The following SUPT3H variants were observed in gnomAD, a reference collection of about 807,000 sequenced individuals.
SUPT3H encodes the protein transcription initiation protein SPT3 homolog.
A neutral mutation model predicts 44.3 loss-of-function variants in SUPT3H; 44 were observed. That is an observed-to-expected ratio of 0.99 (90% CI 0.78 to 1.28). The LOEUF (loss-of-function observed/expected upper bound fraction) is 1.28, where lower values mean the gene tolerates loss of function less well. Ranked by LOEUF, SUPT3H falls within the 50% of genes most tolerant of loss-of-function variation. SUPT3H has a pLI of 0.00. For synonymous variants in SUPT3H, 124 were observed against 125.6 expected, an observed-to-expected ratio of 0.99 and a Z score of 0.09; for missense variants, 380 against 387.1, an observed-to-expected ratio of 0.98 and a Z score of 0.15.
intron 9 of SUPT3H, among the ~76,000 whole-genome samples, chr6:44,950,076 GA>G (rs1416336987): frequency 2.0e-5 from 3 of 152,210 alleles, no homozygotes; most frequent in Admixed American, 6.5e-5. Flanking sequence ...TATGTTCAAG[GA>G]AGTCTGTTCT....
chr6:45,029,985 G>A (rs976657259), intron 3 of SUPT3H, among the ~76,000 whole-genome samples: 3 of 152,074 alleles, frequency 2.0e-5, no homozygotes, highest in African/African-American at 4.8e-5. Context: ...GGCTGTTTTC[G>A]AACTCCTTGG....
chr6:45,157,715 AT>A (rs1419985556), intron 2 of SUPT3H, among the ~76,000 whole-genome samples: 1 of 151,478 alleles, frequency 6.6e-6, no homozygotes, highest in Admixed American at 6.6e-5. Context: ...TGCCCGGCTA[AT>A]TTTTGTATTT....
intron 2 of SUPT3H, among the ~76,000 whole-genome samples, chr6:45,238,606 G>A (rs1003836781): frequency 5.3e-5 from 8 of 152,250 alleles, no homozygotes; most frequent in East Asian, 3.9e-4. Flanking sequence ...TAATTTTTCC[G>A]ACTCAGCATT....
chr6:45,194,718 T>A (rs979052674), intron 2 of SUPT3H, among the ~76,000 whole-genome samples: 6 of 152,112 alleles, frequency 3.9e-5, no homozygotes, highest in African/African-American at 1.2e-4. Context: ...ACGGTTATAA[T>A]GCAACAAAAA....
intron 2 of SUPT3H, among the ~76,000 whole-genome samples, chr6:45,301,578 C>T (rs1430680281): frequency 1.3e-5 from 2 of 152,040 alleles, no homozygotes; most frequent in Non-Finnish European, 2.9e-5. Flanking sequence ...TGTTACATCA[C>T]CTTACAGAAG....
Position 44,828,383 on chromosome 6 carries a change from A to G in SUPT3H, c.*1433T>C, listed in dbSNP as rs927736441. ...TGTTTCTGAAATGCAAATTTTTTCTAAAAAGATTAACATAGAGCAGGTAAA... is the reference window on the plus strand; with the variant it reads ...TGTTTCTGAAATGCAAATTTTTTCTGAAAAGATTAACATAGAGCAGGTAAA... On this transcript the variant is annotated 3_prime_UTR_variant, in exon 11 of 11. Transcript: ENST00000371459. Among the ~76,000 whole-genome samples, 2 of 152,148 alleles carry G rather than the reference A, an allele frequency of 1.3e-5. No homozygotes were observed. The highest frequency in any genetic ancestry group is 6.6e-5 in the Admixed American group (1 of 15,266).
intron 2 of SUPT3H, among the ~76,000 whole-genome samples, chr6:45,254,877 T>G (rs917210539): frequency 2.0e-5 from 3 of 152,158 alleles, no homozygotes; most frequent in Non-Finnish European, 2.9e-5. Context: ...TGAAATCTCA[T>G]GCCAACCTGC....
At chr6:45,251,939 AACATT>A (rs1170002666) in intron 2 of SUPT3H, among the ~76,000 whole-genome samples, 4 of 152,204 alleles carry the variant, frequency 2.6e-5, no homozygotes, top group Admixed American at 6.5e-5. Flanking sequence ...AAAGAAAAAA[AACATT>A]ATCTCAAATA....
intron 10 of SUPT3H, among the ~76,000 whole-genome samples, chr6:44,904,144 C>T (rs1765588405): frequency 6.6e-6 from 1 of 152,178 alleles, no homozygotes; most frequent in Non-Finnish European, 1.5e-5. Flanking sequence ...CCTCTCTCAC[C>T]ACTCCTATTC....
intron 2 of SUPT3H, among the ~76,000 whole-genome samples, chr6:45,197,420 T>G (rs1042362459): frequency 2.6e-5 from 4 of 151,540 alleles, no homozygotes; most frequent in African/African-American, 7.2e-5. Context: ...TACATGGTGT[T>G]TCTTCTTTAC....
intron 10 of SUPT3H, among the ~76,000 whole-genome samples, chr6:44,850,145 C>A (rs112299647): frequency 4.5e-4 from 68 of 152,210 alleles, no homozygotes; most frequent in African/African-American, 1.6e-3. Context: ...AAAGAATCAA[C>A]AATTTTAAAA....
chr6:45,281,105 T>A lies in SUPT3H; in HGVS notation c.101+84096A>T, dbSNP rs1424555586. ...AGTTTTTAATATCTTTAAAAATTTA[T>A]GAGGGGTGGAGACAAGATGGCCGAA... On this transcript the variant is annotated intron_variant, in intron 2 of 10. Transcript: ENST00000371459. Among the ~76,000 whole-genome samples, 3 of 152,166 alleles carry A rather than the reference T, an allele frequency of 2.0e-5. 1 individual carries two copies. The highest frequency in any genetic ancestry group is 7.2e-5 in the African/African-American group (3 of 41,434).
intron 10 of SUPT3H, among the ~76,000 whole-genome samples, chr6:44,916,631 C>T (rs1305058421): frequency 6.6e-6 from 1 of 152,156 alleles, no homozygotes; most frequent in Non-Finnish European, 1.5e-5. Context: ...CCAATTATGG[C>T]TCTGGGTCTC....
At chr6:44,951,245 T>C (rs1412762894) in intron 9 of SUPT3H, among the ~76,000 whole-genome samples, 3 of 151,964 alleles carry the variant, frequency 2.0e-5, no homozygotes, top group Admixed American at 6.6e-5. Context: ...GTTTTTTTTT[T>C]TTTTTTTAAA....
chr6:44,975,251 C>T (rs553186971), intron 6 of SUPT3H, among the ~76,000 whole-genome samples: 161 of 152,190 alleles, frequency 1.1e-3, no homozygotes, highest in Non-Finnish European at 1.8e-3. Context: ...GTTTCACTCT[C>T]CCAGTTTATA....
chr6:45,213,174 G>A (rs374605866), intron 2 of SUPT3H, among the ~76,000 whole-genome samples: 1 of 152,168 alleles, frequency 6.6e-6, no homozygotes, highest in African/African-American at 2.4e-5. Flanking sequence ...CATTTAGCTT[G>A]AGCTTCTCAC....
chr6:45,208,521 T>C (rs1763558626), intron 2 of SUPT3H, among the ~76,000 whole-genome samples: 1 of 152,002 alleles, frequency 6.6e-6, no homozygotes, highest in Non-Finnish European at 1.5e-5. Context: ...GTCAGGAGAT[T>C]GAGACCATCC....
intron 6 of SUPT3H, among the ~76,000 whole-genome samples, chr6:45,001,000 C>T (rs1781942241): frequency 6.6e-6 from 1 of 152,094 alleles, no homozygotes; most frequent in Non-Finnish European, 1.5e-5. Context: ...CCTCTACAAG[C>T]AGCAAAGCAG....
chr6:45,196,841 G>T lies in SUPT3H; in HGVS notation c.102-90835C>A, dbSNP rs530633712. Reference sequence around the variant, plus strand: ...TGATAAAAGATGAGAATACAAAAATGATTCAAGAAAACATGGAGAAGATTG... The same window carrying T: ...TGATAAAAGATGAGAATACAAAAATTATTCAAGAAAACATGGAGAAGATTG... On this transcript the variant is annotated intron_variant, in intron 2 of 10. Coordinates refer to ENST00000371459, the MANE Select transcript of SUPT3H (RefSeq NM_003599.4). Among the ~76,000 whole-genome samples the T allele has an allele frequency of 4.6e-5, 7 of 151,854 alleles. No homozygotes were observed. The South Asian group carries it at 1.5e-3, about 32-fold the overall frequency.
Sources: allele counts gnomAD v4.1 joint callset (sites outside exome capture counted in the v4.1 genomes callset), GRCh38; gene constraint gnomAD v4.1.1; transcripts MANE v1.5; gene names NCBI Gene and HGNC (gene_info 2026-07-23, HGNC 2026-07-21).